Variants in ACTN2 observed in about 807,000 individuals in gnomAD.
The protein encoded by ACTN2 is actinin alpha 2.
A neutral mutation model predicts 113.8 loss-of-function variants in ACTN2; 39 were observed. That is an observed-to-expected ratio of 0.34 (90% CI 0.27 to 0.45). The LOEUF is 0.45. ACTN2 is among the 20% of genes least tolerant of loss of function. The pLI, the probability that ACTN2 is intolerant of heterozygous loss-of-function variation, is 1.00. For missense variants in ACTN2, 992 were observed against 1,177.9 expected, an observed-to-expected ratio of 0.84 and a Z score of 2.31; for synonymous variants, 429 against 444.1, an observed-to-expected ratio of 0.97 and a Z score of 0.43.
chr1:236,744,926 A>G (rs1224271666), intron 12 of ACTN2, 150 bp downstream of exon 12: 1 of 1,099,558 alleles, frequency 9.1e-7, no homozygotes, highest in Non-Finnish European at 1.3e-6. Context: ...CTTTAAATGT[A>G]GAAACAGATT....
Position 236,686,610 on chromosome 1 carries a change from T to C in ACTN2, c.-64T>C. 6.7e-7 allele frequency: 1 copy of C among 1,488,600 alleles called. No homozygotes were observed. Among genetic ancestry groups the C allele is most frequent in the South Asian group, 1.3e-5 (1 of 76,540 alleles). The allele number at this position is 1,488,600 out of a possible 1,614,324, so 92.2% of individuals were successfully genotyped here. The stretch of plus-strand genomic sequence containing the variant: ...CCGCCCGCCGCCTCCGTGGGTCCGT[T>C]TGCCAGTCAGCCCGTGCGTCCGAGC... On this transcript the variant is annotated 5_prime_UTR_variant, in exon 1 of 21. Transcript: ENST00000366578.
At chr1:236,695,294 C>G (rs189490793) in intron 1 of ACTN2, among the ~76,000 whole-genome samples, 1 of 149,112 alleles carries the variant, frequency 6.7e-6, no homozygotes, top group Non-Finnish European at 1.5e-5. Context: ...ATGAAAATCA[C>G]TTGAACCTGG....
In ACTN2 at chr1:236,744,523, C is replaced by A. The variant is rs1572136844; in HGVS notation, c.1256-103C>A. On this transcript the variant is annotated intron_variant, in intron 11 of 20. Coordinates refer to ENST00000366578, the MANE Select transcript of ACTN2 (RefSeq NM_001103.4). ...CAGTCCTGCCCCTCTCTGTCCCCTTCTCTTGGTTCTTTGGAATCTCACCGC... is the reference window on the plus strand; with the variant it reads ...CAGTCCTGCCCCTCTCTGTCCCCTTATCTTGGTTCTTTGGAATCTCACCGC... 5.7e-6 allele frequency: 8 copies of A among 1,404,334 alleles called. No individual in the cohort carries two copies. In the African/African-American group the frequency reaches 8.5e-5, roughly 15 times the overall value. 87.0% of individuals were successfully genotyped at this position (1,404,334 alleles called of 1,614,324 possible). A position where few individuals can be genotyped will look rare whatever the true frequency, so the allele number is the denominator to read the frequency against.
intron 4 of ACTN2, among the ~76,000 whole-genome samples, chr1:236,721,625 C>G (rs958248664): frequency 3.3e-5 from 5 of 152,210 alleles, no homozygotes; most frequent in African/African-American, 1.2e-4. Flanking sequence ...ATGAAAGAAA[C>G]AAGAGGCTTC....
At chr1:236,731,375 T>C (rs1658708624) in intron 7 of ACTN2, 61 bp downstream of exon 7, 3 of 1,396,036 alleles carry the variant, frequency 2.1e-6, no homozygotes, top group African/African-American at 1.4e-5. Flanking sequence ...ATGTTATGGC[T>C]ACACATTGGG....
rs1437110258 is a variant in ACTN2, at chr1:236,759,577, TCCATCCTTCTCG to T, written c.2302-145_2302-134del. The T allele has an allele frequency of 8.6e-4, 620 of 718,380 alleles. 3 individuals carry two copies. In the East Asian group the frequency reaches 0.011, roughly 13 times the overall value. The allele number at this position is 718,380 out of a possible 1,614,324, so 44.5% of individuals were successfully genotyped here. On this transcript the variant is annotated intron_variant, in intron 18 of 20. Coordinates refer to ENST00000366578, the MANE Select transcript of ACTN2 (RefSeq NM_001103.4). Reference sequence around the variant, plus strand: ...TAGTTTGTAACATCCTTGTGCTGGCTCCATCCTTCTCGCAAGTCAGTGGTGACATTTACGACC... The same window carrying T: ...TAGTTTGTAACATCCTTGTGCTGGCTCAAGTCAGTGGTGACATTTACGACC...
In ACTN2 at chr1:236,757,578, C is replaced by T. The variant is rs1158361465; in HGVS notation, c.2247C>T (p.Gly749=). The T allele has an allele frequency of 3.1e-6, 5 of 1,614,070 alleles. No homozygotes were observed. Among genetic ancestry groups the T allele is most frequent in the Admixed American group, 3.3e-5 (2 of 60,000 alleles). ...ETQILTRDAK[G]ITQEQMNEFR... ...AGATCCTGACGAGAGATGCGAAGGG[C>T]ATCACCCAGGAGCAGATGAATGAGT... Residue 749 remains glycine (G), a synonymous_variant, in exon 18 of 21, where the codon GGC becomes GGT. Coordinates refer to ENST00000366578, the MANE Select transcript of ACTN2 (RefSeq NM_001103.4).
At chr1:236,731,638 A>G (rs960932136) in intron 7 of ACTN2, among the ~76,000 whole-genome samples, 1 of 152,244 alleles carries the variant, frequency 6.6e-6, no homozygotes, top group Admixed American at 6.5e-5. Context: ...TATTTTTTCC[A>G]ACAACATAAT....
chr1:236,733,283 G>A (rs10925208), intron 7 of ACTN2, among the ~76,000 whole-genome samples: 9,859 of 152,240 alleles, frequency 0.065, 373 homozygotes, highest in Admixed American at 0.13. Context: ...TGCCTCCCTA[G>A]TATCCTAAAC....
rs1572143387 is a variant in ACTN2 at position 236,751,558 on chromosome 1, T to C, written c.1745T>C (p.Val582Ala). ...RQSIMAIQNE[V>A]EKVIQSYNIR... Reference sequence around the variant, plus strand: ...TCCATCATGGCCATCCAGAACGAGGTGGAGAAGGTGATTCAGAGCTACAAC... The same window carrying C: ...TCCATCATGGCCATCCAGAACGAGGCGGAGAAGGTGATTCAGAGCTACAAC... Residue 582 changes from valine to alanine, a missense_variant, in exon 15 of 21, where the codon GTG becomes GCG. Val to Ala is a moderately conservative substitution (Grantham distance 64). Transcript: ENST00000366578. 1 of 1,613,564 alleles carries C rather than the reference T, an allele frequency of 6.2e-7. No individual in the cohort carries two copies. Among genetic ancestry groups the C allele is most frequent in the Non-Finnish European group, 8.5e-7 (1 of 1,179,870 alleles).
chr1:236,743,152 G>A (rs1010205024), intron 11 of ACTN2, 109 bp downstream of exon 11: 30 of 1,340,430 alleles, frequency 2.2e-5, no homozygotes, highest in Non-Finnish European at 3.0e-5. Context: ...GACACTAAAG[G>A]TAGGTGTCGT....
At chr1:236,727,484 A>T (rs1388307530) in intron 5 of ACTN2, among the ~76,000 whole-genome samples, 194 bp from the exon 6 acceptor site, 1 of 151,970 alleles carries the variant, frequency 6.6e-6, no homozygotes, top group African/African-American at 2.4e-5. Flanking sequence ...GGAAGTCAAA[A>T]GGAGAGGAGT....
intron 1 of ACTN2, among the ~76,000 whole-genome samples, chr1:236,698,293 A>G (rs1657577393): frequency 3.3e-5 from 5 of 151,586 alleles, no homozygotes; most frequent in Admixed American, 3.3e-4. Context: ...TATCATTTAT[A>G]GAATTAAGGA....
intron 12 of ACTN2, among the ~76,000 whole-genome samples, 164 bp downstream of exon 12, chr1:236,744,940 G>T (rs936549623): frequency 6.6e-6 from 1 of 152,056 alleles, no homozygotes; most frequent in Non-Finnish European, 1.5e-5. Context: ...ACAGATTTTG[G>T]TTCTTAGATT....
At position 236,751,669 on chromosome 1, in the gene ACTN2, C is replaced by T; in HGVS notation, c.1839+17C>T. 1 of 1,613,820 alleles carries T rather than the reference C, an allele frequency of 6.2e-7. No homozygotes were observed. The highest frequency in any genetic ancestry group is 8.5e-7 in the Non-Finnish European group (1 of 1,179,774). ...TGGGACAAGGTGGGTGGCTGAGGGC[C>T]TGGTGTGGGACCAGGGGGCATTCTT... On this transcript the variant is annotated intron_variant, in intron 15 of 20. Transcript: ENST00000366578.
intron 4 of ACTN2, among the ~76,000 whole-genome samples, chr1:236,721,015 G>GGTTTTTGTTTTTTTTTTTTTTT: frequency 2.4e-4 from 12 of 49,140 alleles, no homozygotes; most frequent in African/African-American, 7.0e-4. Context: ...TCTGGTTTTT[G>GGTTTTTGTTTTTTTTTTTTTTT]TTTTTTGTTT....
At chr1:236,741,657 C>T (rs1659070560) in intron 10 of ACTN2, among the ~76,000 whole-genome samples, 3 of 152,178 alleles carry the variant, frequency 2.0e-5, no homozygotes, top group Admixed American at 2.0e-4. Context: ...TCTTAATCCC[C>T]TTCTCTTTAC....
At position 236,751,451 on chromosome 1, in the gene ACTN2, A is replaced by C. The variant is rs1182422103; in HGVS notation, c.1657-19A>C. Reference sequence around the variant, plus strand: ...CACTCAAGCCACATTGTTTTTCTCCACTTGTGTCTCGGGTGTAGAGTCTGA... The same window carrying C: ...CACTCAAGCCACATTGTTTTTCTCCCCTTGTGTCTCGGGTGTAGAGTCTGA... On this transcript the variant is annotated intron_variant, in intron 14 of 20. Coordinates refer to ENST00000366578, the MANE Select transcript of ACTN2 (RefSeq NM_001103.4). 2 of 1,613,510 alleles carry C rather than the reference A, an allele frequency of 1.2e-6. No homozygotes were observed. The highest frequency in any genetic ancestry group is 1.7e-6 in the Non-Finnish European group (2 of 1,179,878).
At chr1:236,743,155 G>A in intron 11 of ACTN2, 112 bp downstream of exon 11, 2 of 1,315,606 alleles carry the variant, frequency 1.5e-6, no homozygotes, top group Non-Finnish European at 2.1e-6. Context: ...ACTAAAGGTA[G>A]GTGTCGTCAC....
Sources: allele counts gnomAD v4.1 joint callset (sites outside exome capture counted in the v4.1 genomes callset), GRCh38; gene constraint gnomAD v4.1.1; transcripts MANE v1.5; gene names NCBI Gene and HGNC (gene_info 2026-07-23, HGNC 2026-07-21).